SATB2: variants seen among roughly 807,000 people sequenced by gnomAD.
The protein encoded by SATB2 is SATB homeobox 2.
Under a neutral mutation model 73.4 loss-of-function variants are expected in SATB2, and 1 was observed. The observed-to-expected ratio is 0.01, with a 90% CI of 0.00 to 0.06. The LOEUF is 0.06. Among genes scored for constraint, SATB2 ranks in the 10% least tolerant of loss-of-function variants. The pLI is 1.00. For synonymous variants in SATB2, 397 were observed against 367.0 expected (o/e 1.08, Z -0.93); for missense variants, 459 against 945.8 (o/e 0.49, Z 6.75).
intron 6 of SATB2, among the ~76,000 whole-genome samples, chr2:199,364,794 T>C (rs1689235626): frequency 6.6e-6 from 1 of 152,174 alleles, no homozygotes; most frequent in Non-Finnish European, 1.5e-5. Context: ...ACACTTTAGA[T>C]ATAAAATTAT....
chr2:199,398,283 T>C (rs935623478), intron 3 of SATB2, among the ~76,000 whole-genome samples: 2 of 152,274 alleles, frequency 1.3e-5, no homozygotes, highest in African/African-American at 2.4e-5. Flanking sequence ...ACTGGTAACC[T>C]TGGAGAAAAC....
chr2:199,429,125 A>T (rs1691424701), intron 3 of SATB2, among the ~76,000 whole-genome samples: 1 of 152,224 alleles, frequency 6.6e-6, no homozygotes, highest in Admixed American at 6.5e-5. Flanking sequence ...CTTCCACTGA[A>T]AAAACAGAAA....
At chr2:199,277,542 C>T (rs1302490391) in intron 10 of SATB2, among the ~76,000 whole-genome samples, 1 of 152,062 alleles carries the variant, frequency 6.6e-6, no homozygotes, top group Admixed American at 6.6e-5. Context: ...GGATTTTTCT[C>T]CATCAAAATT....
chr2:199,405,123 C>T (rs1690592092), intron 3 of SATB2, among the ~76,000 whole-genome samples: 2 of 152,130 alleles, frequency 1.3e-5, no homozygotes, highest in African/African-American at 2.4e-5. Context: ...ATTCCTTTAC[C>T]AGTACAGGCA....
At chr2:199,414,425 C>T (rs1193785853) in intron 3 of SATB2, among the ~76,000 whole-genome samples, 1 of 152,338 alleles carries the variant, frequency 6.6e-6, no homozygotes, top group African/African-American at 2.4e-5. Flanking sequence ...CCATCCACCC[C>T]CCACCAGGGC....
At chr2:199,305,923 T>C (rs1253920869) in intron 10 of SATB2, among the ~76,000 whole-genome samples, 1 of 151,702 alleles carries the variant, frequency 6.6e-6, no homozygotes. Context: ...TATAAGCTCT[T>C]AATAATCACT....
At chr2:199,390,649 G>T (rs1031244717) in intron 3 of SATB2, among the ~76,000 whole-genome samples, 1 of 152,184 alleles carries the variant, frequency 6.6e-6, no homozygotes, top group Non-Finnish European at 1.5e-5. Context: ...TGTTTAGCCA[G>T]TGTTTCTGCA....
chr2:199,327,676 C>T (rs1688069456), intron 8 of SATB2, among the ~76,000 whole-genome samples: 2 of 152,044 alleles, frequency 1.3e-5, no homozygotes, highest in Admixed American at 6.6e-5. Context: ...AGCTTTGAAG[C>T]ACACATTACT....
Position 199,308,786 on chromosome 2 carries a change from C to G in SATB2, c.1714G>C (p.Val572Leu). 6.2e-7 allele frequency: 1 copy of G among 1,614,100 alleles called. No individual in the cohort carries two copies. Among genetic ancestry groups the G allele is most frequent in the Non-Finnish European group, 8.5e-7 (1 of 1,180,008 alleles). ...TGCACCGGCTCAGGGGGAAGCTGGA[C>G]CACGTGTTGCATGCGTTCGCTGTGG... is the stretch of plus-strand genomic sequence containing the variant. ...HHHSERMQHV[V>L]QLPPEPVQVL... Residue 572 changes from valine to leucine, a missense_variant, in exon 10 of 11, where the codon GTC (valine) becomes CTC (leucine). By Grantham distance (32) the Val-to-Leu change is conservative (BLOSUM62 1). This residue lies in a region of SATB2 where 74 missense variants were observed against 136.1 expected (regional missense o/e 0.54). Coordinates refer to ENST00000417098, the MANE Select transcript of SATB2 (RefSeq NM_001172509.2). The surrounding 1 kb of genome is among the most constrained non-coding windows in gnomAD (Gnocchi z 4.6).
At chr2:199,421,601 A>C (rs1691171529) in intron 3 of SATB2, among the ~76,000 whole-genome samples, 1 of 152,206 alleles carries the variant, frequency 6.6e-6, no homozygotes, top group African/African-American at 2.4e-5. Flanking sequence ...TCATCGTGAA[A>C]CTAGTAAGCA....
At chr2:199,305,230 G>A (rs968368808) in intron 10 of SATB2, among the ~76,000 whole-genome samples, 1 of 152,096 alleles carries the variant, frequency 6.6e-6, no homozygotes, top group South Asian at 2.1e-4. Flanking sequence ...TGTGTGCCCT[G>A]CAGAAAGGAC....
upstream of SATB2, chr2:199,458,871 C>T (rs1050673533): frequency 6.7e-5 from 20 of 299,422 alleles, no homozygotes; most frequent in Non-Finnish European, 1.2e-4. Flanking sequence ...CTTCGTGCCG[C>T]CGCGCGCGCA....
chr2:199,426,131 T>C (rs999075036), intron 3 of SATB2, among the ~76,000 whole-genome samples: 1 of 152,150 alleles, frequency 6.6e-6, no homozygotes, highest in Non-Finnish European at 1.5e-5. Flanking sequence ...TAAATACGTA[T>C]ATTTTTTCAA....
At chr2:199,381,880 G>C (rs575513073) in intron 3 of SATB2, 60 bp from the exon 4 acceptor site, 2 of 1,582,876 alleles carry the variant, frequency 1.3e-6, no homozygotes, top group Non-Finnish European at 1.7e-6. Flanking sequence ...CCTTCCCATT[G>C]TTTGTTCAAT....
At chr2:199,336,059 T>A (rs1027486799) in intron 7 of SATB2, among the ~76,000 whole-genome samples, 4 of 152,196 alleles carry the variant, frequency 2.6e-5, no homozygotes, top group African/African-American at 9.6e-5. Context: ...ATCAGATTCC[T>A]GGCAACTTTA....
At chr2:199,331,702 C>T (rs1688195185) in intron 7 of SATB2, among the ~76,000 whole-genome samples, 1 of 151,816 alleles carries the variant, frequency 6.6e-6, no homozygotes, top group Non-Finnish European at 1.5e-5. Context: ...AAATGTAGTC[C>T]AAATTCTGCA....
At chr2:199,445,213 T>C (rs889437008) in intron 2 of SATB2, among the ~76,000 whole-genome samples, 15 of 152,316 alleles carry the variant, frequency 9.8e-5, no homozygotes, top group African/African-American at 3.4e-4. Flanking sequence ...AATCTTTTTA[T>C]TGGGGGGCCA....
At chr2:199,295,329 T>G (rs1028774989) in intron 10 of SATB2, among the ~76,000 whole-genome samples, 2 of 151,828 alleles carry the variant, frequency 1.3e-5, no homozygotes, top group African/African-American at 4.8e-5. Context: ...AAATAAATAA[T>G]ACACGGATGG....
chr2:199,432,488 AAGAT>A (rs1283915571), intron 3 of SATB2, among the ~76,000 whole-genome samples: 2 of 152,240 alleles, frequency 1.3e-5, no homozygotes, highest in Non-Finnish European at 2.9e-5. Context: ...ATGTTAACTA[AAGAT>A]AGTAATACAG....
Sources: allele counts gnomAD v4.1 joint callset (sites outside exome capture counted in the v4.1 genomes callset), GRCh38; gene constraint gnomAD v4.1.1; regional missense constraint gnomAD v4.1.1; non-coding constraint Gnocchi (gnomAD v3.1); transcripts MANE v1.5; gene names NCBI Gene and HGNC (gene_info 2026-07-23, HGNC 2026-07-21).